The following PPP3CA variants were observed in gnomAD, a reference collection of about 807,000 sequenced individuals.
PPP3CA encodes the protein protein phosphatase 3 catalytic subunit alpha, also known as CAM-PRP catalytic subunit.
In PPP3CA, 14 loss-of-function variants were observed where a neutral mutation model predicts 66.5. The observed-to-expected ratio is 0.21, with a 90% CI of 0.14 to 0.33. The LOEUF (loss-of-function observed/expected upper bound fraction) is 0.33. Ranked by LOEUF, PPP3CA falls within the 10% of genes least tolerant of loss-of-function variation. PPP3CA has a pLI of 1.00. For synonymous variants in PPP3CA, 232 were observed against 226.2 expected (o/e 1.03, Z -0.23); for missense variants, 317 against 639.5 (o/e 0.50, Z 5.44).
chr4:101,175,670 G>A (rs1724037073), intron 2 of PPP3CA, among the ~76,000 whole-genome samples: 2 of 152,170 alleles, frequency 1.3e-5, no homozygotes, highest in South Asian at 2.1e-4. Flanking sequence ...TAAAAGATGT[G>A]TATGCCTGAG....
intron 8 of PPP3CA, among the ~76,000 whole-genome samples, chr4:101,075,438 CTG>C (rs1442475566): frequency 6.6e-6 from 1 of 152,118 alleles, no homozygotes; most frequent in African/African-American, 2.4e-5. Flanking sequence ...TTACATACCC[CTG>C]GTATATATGT....
chr4:101,031,853 G>A (rs1486775908), intron 12 of PPP3CA, among the ~76,000 whole-genome samples: 1 of 152,118 alleles, frequency 6.6e-6, no homozygotes, highest in Non-Finnish European at 1.5e-5. Context: ...AGACATACAG[G>A]TATATTTTAG....
chr4:101,196,583 A>G (rs1031028254), intron 1 of PPP3CA, among the ~76,000 whole-genome samples: 1 of 152,186 alleles, frequency 6.6e-6, no homozygotes, highest in Admixed American at 6.5e-5. Context: ...GTCACATCTG[A>G]GATAACTAAT....
chr4:101,031,414 G>GTAA (rs761731445), intron 12 of PPP3CA, among the ~76,000 whole-genome samples: 1 of 152,162 alleles, frequency 6.6e-6, no homozygotes, highest in African/African-American at 2.4e-5. Flanking sequence ...TGTATTGTAT[G>GTAA]TAATAATAAT....
At chr4:101,291,243 G>C (rs1056202290) in intron 1 of PPP3CA, among the ~76,000 whole-genome samples, 3 of 152,160 alleles carry the variant, frequency 2.0e-5, no homozygotes, top group African/African-American at 7.2e-5. Context: ...ACTAATAGGA[G>C]TAATCTTTGG....
At chr4:101,134,179 G>A (rs888025646) in intron 2 of PPP3CA, among the ~76,000 whole-genome samples, 3 of 152,004 alleles carry the variant, frequency 2.0e-5, no homozygotes, top group African/African-American at 4.8e-5. Context: ...TCAGGACGTC[G>A]GCAAAGACTT....
chr4:101,091,155 G>A (rs565501670), intron 6 of PPP3CA, among the ~76,000 whole-genome samples: 2 of 152,026 alleles, frequency 1.3e-5, no homozygotes, highest in East Asian at 3.9e-4. Flanking sequence ...TCAAGAGTTT[G>A]AATTTTGTTT....
chr4:101,175,812 C>G (rs1036811422), intron 2 of PPP3CA, among the ~76,000 whole-genome samples: 4 of 152,106 alleles, frequency 2.6e-5, no homozygotes, highest in African/African-American at 9.7e-5. Context: ...GTAGTTTGCT[C>G]TTTAGGCATA....
At chr4:101,171,168 T>C (rs774225448) in intron 2 of PPP3CA, 8 of 455,774 alleles carry the variant, frequency 1.8e-5, no homozygotes, top group Middle Eastern at 6.5e-4. Flanking sequence ...CCTTTCTGTG[T>C]CATTTGAAAG....
At chr4:101,171,338 G>T in intron 2 of PPP3CA, 2 of 194,732 alleles carry the variant, frequency 1.0e-5, no homozygotes, top group Non-Finnish European at 2.1e-5. Flanking sequence ...ACTCGTTTAT[G>T]AACAATTCTT....
intron 6 of PPP3CA, among the ~76,000 whole-genome samples, chr4:101,085,192 T>G (rs2110242296): frequency 6.6e-6 from 1 of 152,330 alleles, no homozygotes; most frequent in South Asian, 2.1e-4. Flanking sequence ...CCTATCTTTT[T>G]TCTTTTTTTG....
chr4:101,041,285 T>A (rs987605423), intron 10 of PPP3CA, among the ~76,000 whole-genome samples: 4 of 152,052 alleles, frequency 2.6e-5, no homozygotes, highest in East Asian at 3.9e-4. Flanking sequence ...ATTAAAAAAA[T>A]TAATTACATA....
intron 1 of PPP3CA, among the ~76,000 whole-genome samples, chr4:101,197,984 C>T (rs1258956948): frequency 2.6e-5 from 4 of 152,152 alleles, no homozygotes; most frequent in Non-Finnish European, 5.9e-5. Flanking sequence ...AATTCTAATA[C>T]TGAGAGATAT....
chr4:101,253,243 T>C lies in PPP3CA; in HGVS notation c.59-57127A>G, dbSNP rs773848681. On this transcript the variant is annotated intron_variant, in intron 1 of 13. Coordinates refer to ENST00000394854, the MANE Select transcript of PPP3CA (RefSeq NM_000944.5). ...GCTTCCCTGATCAACAACCACAAAATAGAATGTCCCTGCTACTATATATTA... is the reference window on the plus strand; with the variant it reads ...GCTTCCCTGATCAACAACCACAAAACAGAATGTCCCTGCTACTATATATTA... 3.7e-4 allele frequency among the ~76,000 whole-genome samples: 57 copies of C among 152,162 alleles called. 1 individual carries two copies. The highest frequency in any genetic ancestry group is 7.4e-5 in the Non-Finnish European group (5 of 68,016).
intron 1 of PPP3CA, among the ~76,000 whole-genome samples, chr4:101,298,341 T>G (rs1023267750): frequency 7.0e-6 from 1 of 142,530 alleles, no homozygotes; most frequent in Non-Finnish European, 1.5e-5. Flanking sequence ...AGCAGGGAGA[T>G]ATATATATAT....
intron 1 of PPP3CA, among the ~76,000 whole-genome samples, chr4:101,255,034 T>TCA (rs1726795683): frequency 1.2e-5 from 1 of 84,722 alleles, no homozygotes; most frequent in African/African-American, 4.9e-5. Flanking sequence ...GAGTCCCGTC[T>TCA]CAAAAAAAAA....
At chr4:101,171,130 C>CA in intron 2 of PPP3CA, 1 of 454,620 alleles carries the variant, frequency 2.2e-6, no homozygotes. Flanking sequence ...CAGTAGTTTA[C>CA]ATTCCTTCCC....
intron 2 of PPP3CA, among the ~76,000 whole-genome samples, chr4:101,184,848 G>A (rs907514372): frequency 6.6e-6 from 1 of 152,048 alleles, no homozygotes; most frequent in Non-Finnish European, 1.5e-5. Context: ...AGAAGGGAAG[G>A]GCTAAACTAG....
chr4:101,168,941 A>G (rs1457564086), intron 2 of PPP3CA, among the ~76,000 whole-genome samples: 1 of 152,170 alleles, frequency 6.6e-6, no homozygotes, highest in Non-Finnish European at 1.5e-5. Context: ...TATAAGAATT[A>G]TAATTCTTTA....
Sources: allele counts gnomAD v4.1 joint callset (sites outside exome capture counted in the v4.1 genomes callset), GRCh38; gene constraint gnomAD v4.1.1; transcripts MANE v1.5; gene names NCBI Gene and HGNC (gene_info 2026-07-23, HGNC 2026-07-21).